COL7A1: variants seen among roughly 807,000 people sequenced by gnomAD.
COL7A1 encodes collagen type VII alpha 1 chain.
A neutral mutation model predicts 456.2 loss-of-function variants in COL7A1; 296 were observed. The ratio of observed to expected loss-of-function variants is 0.65; its 90% CI spans 0.59 to 0.71. COL7A1 has a LOEUF of 0.71. Ranked by LOEUF, COL7A1 falls within the 30% of genes least tolerant of loss-of-function variation. The pLI is 0.00. For synonymous variants in COL7A1, 1,464 were observed against 1,525.9 expected, an observed-to-expected ratio of 0.96 and a Z score of 0.95; for missense variants, 3,441 against 4,017.2, an observed-to-expected ratio of 0.86 and a Z score of 3.88.
Position 48,590,730 on chromosome 3 carries a change from C to A in COL7A1, c.1723G>T (p.Val575Leu). The A allele has an allele frequency of 6.2e-7, 1 of 1,614,056 alleles. No homozygotes were observed. The highest frequency in any genetic ancestry group is 2.2e-5 in the East Asian group (1 of 44,888). Reference sequence around the variant, plus strand: ...TCACGGGGACCCACTCGAGCAGACACCCGCACAGTGTAGCTAAGCCCAGCC... The same window carrying A: ...TCACGGGGACCCACTCGAGCAGACAACCGCACAGTGTAGCTAAGCCCAGCC... Reference protein sequence around the residue: ...VQAGLSYTVRVSARVGPREGS... With the variant: ...VQAGLSYTVRLSARVGPREGS... Residue 575 changes from valine to leucine, a missense_variant, in exon 14 of 119, where the codon GTG becomes TTG. Val to Leu is a conservative substitution (Grantham distance 32). Transcript: ENST00000681320. The surrounding 1 kb of genome is among the most constrained non-coding windows in gnomAD (Gnocchi z 4.6).
In COL7A1 at chr3:48,583,226, T is replaced by G; in HGVS notation, c.4438-55A>C. ...GAGAGAGAGGGTTGGTGGCGGGGCT[T>G]GAACGTCAAACCCCAGACAAGGGGT... is the stretch of plus-strand genomic sequence containing the variant. On this transcript the variant is annotated intron_variant, in intron 42 of 118. Transcript: ENST00000681320. This position sits in a 1 kb window ranked among gnomAD's most constrained non-coding sequence, Gnocchi z 5.1. The G allele has an allele frequency of 1.2e-6, 2 of 1,609,568 alleles. No individual in the cohort carries two copies. The highest frequency in any genetic ancestry group is 1.7e-6 in the Non-Finnish European group (2 of 1,177,940).
At position 48,574,716 on chromosome 3, in the gene COL7A1, C is replaced by T; in HGVS notation, c.6354G>A (p.Glu2118=). 1.2e-6 allele frequency: 2 copies of T among 1,613,976 alleles called. No homozygotes were observed. The highest frequency in any genetic ancestry group is 1.7e-6 in the Non-Finnish European group (2 of 1,180,032). ...GACCTTGGTCACCATTGCTGCCCGG[C>T]TCCCCCTGTGGGGATGAGATGTCAA... ...GPPGLKGAKG[E]PGSNGDQGPK... Residue 2118 remains glutamate (E), a synonymous_variant, in exon 78 of 119, where the codon GAG becomes GAA. Transcript: ENST00000681320. The surrounding 1 kb of genome is among the most constrained non-coding windows in gnomAD (Gnocchi z 5.0).
Position 48,578,525 on chromosome 3 carries a change from G to T in COL7A1, c.5425-10C>A. ...GGAGGCCTGGAAGCCCCTGGAAAAAGTCTTTGTTAAGATTTATAGGGCCTC... is the reference window on the plus strand; with the variant it reads ...GGAGGCCTGGAAGCCCCTGGAAAAATTCTTTGTTAAGATTTATAGGGCCTC... On this transcript the variant is annotated splice_polypyrimidine_tract_variant and intron_variant, in intron 63 of 118. Coordinates refer to ENST00000681320, the MANE Select transcript of COL7A1 (RefSeq NM_000094.4). This position sits in a 1 kb window ranked among gnomAD's most constrained non-coding sequence, Gnocchi z 4.7. The T allele has an allele frequency of 6.2e-7, 1 of 1,611,344 alleles. No individual in the cohort carries two copies. Among genetic ancestry groups the T allele is most frequent in the Non-Finnish European group, 8.5e-7 (1 of 1,179,838 alleles).
chr3:48,574,468 G>A lies in COL7A1; in HGVS notation c.6456+20C>T, dbSNP rs778622599. On this transcript the variant is annotated intron_variant, in intron 79 of 118. Transcript: ENST00000681320. This position sits in a 1 kb window ranked among gnomAD's most constrained non-coding sequence, Gnocchi z 5.0. ...AGAGCCACCTTCTTGCACATGTGTG[G>A]CTGTTGGGCAAGGACTTACCGGGTT... The A allele has an allele frequency of 1.2e-6, 2 of 1,614,090 alleles. No individual in the cohort carries two copies. The highest frequency in any genetic ancestry group is 1.7e-5 in the Admixed American group (1 of 60,024).
In COL7A1 at chr3:48,574,576, GC is replaced by G; in HGVS notation, c.6394-27del. 1 of 1,613,810 alleles carries G rather than the reference GC, an allele frequency of 6.2e-7. No individual in the cohort carries two copies. Among genetic ancestry groups the G allele is most frequent in the Non-Finnish European group, 8.5e-7 (1 of 1,180,020 alleles). ...CTGAAGGCAGAGTGTCGTGCCCTGA[GC>G]CCCCAGTCCCTGCCACGTGCCCAGG... is the stretch of plus-strand genomic sequence containing the variant. On this transcript the variant is annotated intron_variant, in intron 78 of 118. Transcript: ENST00000681320. The surrounding 1 kb of genome is among the most constrained non-coding windows in gnomAD (Gnocchi z 5.0).
Position 48,580,257 on chromosome 3 carries a change from G to T in COL7A1, c.5097+43C>A. ...AGGCACACTGGCAGCAGCGCCAGGG[G>T]ACCCTCCATCCCTTCTGAGCCCAGG... On this transcript the variant is annotated intron_variant, in intron 56 of 118. Coordinates refer to ENST00000681320, the MANE Select transcript of COL7A1 (RefSeq NM_000094.4). This position sits in a 1 kb window ranked among gnomAD's most constrained non-coding sequence, Gnocchi z 4.5. 1 of 1,602,162 alleles carries T rather than the reference G, an allele frequency of 6.2e-7. No individual in the cohort carries two copies. The highest frequency in any genetic ancestry group is 2.2e-5 in the East Asian group (1 of 44,458).
At position 48,583,451 on chromosome 3, in the gene COL7A1, T is replaced by C; in HGVS notation, c.4402-23A>G. 1.9e-6 allele frequency: 3 copies of C among 1,613,794 alleles called. No homozygotes were observed. The highest frequency in any genetic ancestry group is 2.5e-6 in the Non-Finnish European group (3 of 1,179,924). On this transcript the variant is annotated intron_variant, in intron 41 of 118. Transcript: ENST00000681320. The surrounding 1 kb of genome is among the most constrained non-coding windows in gnomAD (Gnocchi z 5.1). ...GCCCTGGAAGGGATGAATTTGGGGGTTCAGAGATTTGGGTTTGGGCATGAG... is the reference window on the plus strand; with the variant it reads ...GCCCTGGAAGGGATGAATTTGGGGGCTCAGAGATTTGGGTTTGGGCATGAG...
At position 48,584,756 on chromosome 3, in the gene COL7A1, G is replaced by A. The variant is rs2045104090; in HGVS notation, c.4025C>T (p.Pro1342Leu). ...TACCGGCTCCCCCTTTGGGCCTCGA[G>A]GTCCTCGCTCTCCCTGAGGACGAAA... ...GPRGDPGERG[P>L]RGPKGEPGAP... Residue 1342 changes from proline (P) to leucine (L), a missense_variant, in exon 35 of 119, where the codon CCT (proline) becomes CTT (leucine). By Grantham distance (98) the Pro-to-Leu change is moderately conservative (BLOSUM62 -3). Around this residue, in one of 3 missense-constraint regions of COL7A1, gnomAD observed 2,084 missense variants for 2,501.3 expected, o/e 0.83. Transcript: ENST00000681320. 6 of 1,613,884 alleles carry A rather than the reference G, an allele frequency of 3.7e-6. No homozygotes were observed. Among genetic ancestry groups the A allele is most frequent in the Non-Finnish European group, 5.1e-6 (6 of 1,180,034 alleles).
At position 48,572,476 on chromosome 3, in the gene COL7A1, C is replaced by G. The variant is rs146289794; in HGVS notation, c.6936+27G>C. On this transcript the variant is annotated intron_variant, in intron 89 of 118. Transcript: ENST00000681320. The surrounding 1 kb of genome is among the most constrained non-coding windows in gnomAD (Gnocchi z 4.6). Reference sequence around the variant, plus strand: ...CTTGGCCCCCACCAGTTGACCCCCCCTCACTGGCAGCCCCACACACACTCA... The same window carrying G: ...CTTGGCCCCCACCAGTTGACCCCCCGTCACTGGCAGCCCCACACACACTCA... 1.3e-5 allele frequency: 21 copies of G among 1,613,862 alleles called. No homozygotes were observed. In the African/African-American group the frequency reaches 1.9e-4, roughly 14 times the overall value.
Position 48,580,039 on chromosome 3 carries a change from C to T in COL7A1, c.5116G>A (p.Gly1706Arg), listed in dbSNP as rs995510960. 3.7e-6 allele frequency: 6 copies of T among 1,613,886 alleles called. No homozygotes were observed. The highest frequency in any genetic ancestry group is 5.1e-6 in the Non-Finnish European group (6 of 1,179,978). ...RGEPGPPGPP[G>R]RLVDTGPGAR... ...CCCAGCGCAGCCCTTACCAGCCGTC[C>T]CGGGGGTCCTGGGGGACCCTGGGAA... The change falls in exon 57 of 119, where the codon GGA becomes AGA. Residue 1706 changes from glycine (G) to arginine (R), a missense_variant. Gly to Arg is a moderately radical substitution (Grantham distance 125, BLOSUM62 -2). Coordinates refer to ENST00000681320, the MANE Select transcript of COL7A1 (RefSeq NM_000094.4). This position sits in a 1 kb window ranked among gnomAD's most constrained non-coding sequence, Gnocchi z 4.5.
Position 48,569,834 on chromosome 3 carries a change from T to G in COL7A1, c.7521+46A>C, listed in dbSNP as rs2043797078. 1.9e-6 allele frequency: 3 copies of G among 1,613,916 alleles called. No homozygotes were observed. The highest frequency in any genetic ancestry group is 2.5e-6 in the Non-Finnish European group (3 of 1,179,988). ...ACCTGAATTCTAATATCATACAAGATCCACTCACCCCCCCACTCATGCCAG... is the reference window on the plus strand; with the variant it reads ...ACCTGAATTCTAATATCATACAAGAGCCACTCACCCCCCCACTCATGCCAG... On this transcript the variant is annotated intron_variant, in intron 100 of 118. Transcript: ENST00000681320. The surrounding 1 kb of genome is among the most constrained non-coding windows in gnomAD (Gnocchi z 4.9).
chr3:48,582,762 AT>A lies in COL7A1; in HGVS notation c.4519-110del, dbSNP rs918221450. 6.1e-6 allele frequency: 8 copies of A among 1,301,544 alleles called. No homozygotes were observed. In the African/African-American group the frequency reaches 1.0e-4, roughly 17 times the overall value. The allele number at this position is 1,301,544 out of a possible 1,614,324, so 80.6% of individuals were successfully genotyped here. A position where few individuals can be genotyped will look rare whatever the true frequency, so the allele number is the denominator to read the frequency against. ...TGGAGAGGGGTCAGGGAAGATTGGG[AT>A]TTAGGTTGGCAGGGGTAAGACTTGG... On this transcript the variant is annotated intron_variant, in intron 44 of 118. Coordinates refer to ENST00000681320, the MANE Select transcript of COL7A1 (RefSeq NM_000094.4).
Position 48,564,553 on chromosome 3 carries a change from A to T in COL7A1, c.8819-131T>A. The stretch of plus-strand genomic sequence containing the variant: ...GGGGGCTCTGACCTCAGAGGGGTCC[A>T]TACTTAGGTCTTTAAAGGAGGGAAC... On this transcript the variant is annotated intron_variant, in intron 118 of 118. Coordinates refer to ENST00000681320, the MANE Select transcript of COL7A1 (RefSeq NM_000094.4). The surrounding 1 kb of genome is among the most constrained non-coding windows in gnomAD (Gnocchi z 6.0). 8.5e-7 allele frequency: 1 copy of T among 1,179,024 alleles called. No homozygotes were observed. Among genetic ancestry groups the T allele is most frequent in the Non-Finnish European group, 1.2e-6 (1 of 808,324 alleles). The allele number at this position is 1,179,024 out of a possible 1,614,324, so 73.0% of individuals were successfully genotyped here.
rs973182523 is a variant in COL7A1 at position 48,568,945 on chromosome 3, C to G, written c.7687-90G>C. On this transcript the variant is annotated intron_variant, in intron 103 of 118. Coordinates refer to ENST00000681320, the MANE Select transcript of COL7A1 (RefSeq NM_000094.4). The surrounding 1 kb of genome is among the most constrained non-coding windows in gnomAD (Gnocchi z 5.2). ...CGAGCCCGCCAGCTGGGGCAGAGCT[C>G]AAGTCACTCCCGAACGGCCCTAGCA... The G allele has an allele frequency of 7.6e-7, 1 of 1,309,756 alleles. No homozygotes were observed. The highest frequency in any genetic ancestry group is 2.0e-5 in the Admixed American group (1 of 50,656). The allele number at this position is 1,309,756 out of a possible 1,614,324, so 81.1% of individuals were successfully genotyped here. A position where few individuals can be genotyped will look rare whatever the true frequency, so the allele number is the denominator to read the frequency against.
In COL7A1 at chr3:48,565,399, G is replaced by A. The variant is rs1560192392; in HGVS notation, c.8527+11C>T. The A allele has an allele frequency of 6.2e-7, 1 of 1,602,228 alleles. No homozygotes were observed. Among genetic ancestry groups the A allele is most frequent in the Admixed American group, 1.7e-5 (1 of 57,752 alleles). ...CACCCATAGCTGCCCCACGGGTTCA[G>A]CTGTCCTCACCTTCCTCCTCTGCAT... On this transcript the variant is annotated intron_variant, in intron 116 of 118. Transcript: ENST00000681320. The surrounding 1 kb of genome is among the most constrained non-coding windows in gnomAD (Gnocchi z 4.5).
Position 48,592,516 on chromosome 3 carries a change from G to A in COL7A1, c.977-49C>T, listed in dbSNP as rs760262442. On this transcript the variant is annotated intron_variant, in intron 8 of 118. Transcript: ENST00000681320. This position sits in a 1 kb window ranked among gnomAD's most constrained non-coding sequence, Gnocchi z 7.6. ...TTCATGGAGTCAGAAGTGGGAGGGG[G>A]TACTGGGGTCGGGGGTTAGGTGAAT... 5 of 1,613,230 alleles carry A rather than the reference G, an allele frequency of 3.1e-6. No individual in the cohort carries two copies. Among genetic ancestry groups the A allele is most frequent in the African/African-American group, 2.7e-5 (2 of 74,882 alleles).
In COL7A1 at chr3:48,572,517, C is replaced by T. The variant is rs758777097; in HGVS notation, c.6922G>A (p.Ala2308Thr). The T allele has an allele frequency of 1.2e-6, 2 of 1,614,008 alleles. No homozygotes were observed. Among genetic ancestry groups the T allele is most frequent in the South Asian group, 2.2e-5 (2 of 91,086 alleles). The change falls in exon 89 of 119, where the codon GCA becomes ACA. Residue 2308 changes from alanine to threonine, a missense_variant. By Grantham distance (58) the Ala-to-Thr change is moderately conservative. Coordinates refer to ENST00000681320, the MANE Select transcript of COL7A1 (RefSeq NM_000094.4). This position sits in a 1 kb window ranked among gnomAD's most constrained non-coding sequence, Gnocchi z 4.6. Reference sequence around the variant, plus strand: ...CACACACTCACCTTCTCTCCCTTTGCTCCAGGGAGCCCGACCACAGCCTGT... The same window carrying T: ...CACACACTCACCTTCTCTCCCTTTGTTCCAGGGAGCCCGACCACAGCCTGT... ...PGQAVVGLPG[A>T]KGEKGAPGGL... is the part of the protein sequence containing the mutation.
rs534308488 is a variant in COL7A1 at position 48,576,123 on chromosome 3, A to G, written c.5820+126T>C. The G allele has an allele frequency of 3.0e-5, 44 of 1,483,588 alleles. No homozygotes were observed. In the African/African-American group the frequency reaches 5.3e-4, roughly 18 times the overall value. 91.9% of individuals were successfully genotyped at this position (1,483,588 alleles called of 1,614,324 possible). ...TTGAGTGTGGGCTACAAGAACCCCA[A>G]TGGGGCAGGGCACTGAACACACAGC... On this transcript the variant is annotated intron_variant, in intron 71 of 118. Transcript: ENST00000681320.
Position 48,591,809 on chromosome 3 carries a change from C to T in COL7A1, c.1371G>A (p.Pro457=), listed in dbSNP as rs1381760157. ...CATCAGAGGGCAGTACCACCTTCTG[C>T]GGTGGCTCCAAGCCTGCAAGATAAC... ...EWRRETGLEP[P]QKVVLPSDVT... Residue 457 remains proline, a synonymous_variant, in exon 12 of 119, where the codon CCG becomes CCA. Transcript: ENST00000681320. This position sits in a 1 kb window ranked among gnomAD's most constrained non-coding sequence, Gnocchi z 7.0. The T allele has an allele frequency of 1.6e-5, 26 of 1,614,052 alleles. No homozygotes were observed. Among genetic ancestry groups the T allele is most frequent in the East Asian group, 2.2e-5 (1 of 44,900 alleles).
Sources: gnomAD v4.1 joint callset for allele counts on GRCh38, gnomAD v4.1.1 for gene constraint, gnomAD v4.1.1 regional missense constraint, Gnocchi (gnomAD v3.1) non-coding constraint, MANE v1.5 for transcripts, NCBI Gene and HGNC (gene_info 2026-07-23, HGNC 2026-07-21) for gene names.